PUM1: variants seen among roughly 807,000 people sequenced by gnomAD.
PUM1 encodes the protein pumilio homolog 1.
Under a neutral mutation model 131.8 loss-of-function variants are expected in PUM1, and 13 were observed. The ratio of observed to expected loss-of-function variants is 0.10; its 90% CI spans 0.06 to 0.16. The LOEUF (loss-of-function observed/expected upper bound fraction) is 0.16. Among genes scored for constraint, PUM1 ranks in the 10% least tolerant of loss-of-function variants. The pLI, the probability that PUM1 is intolerant of heterozygous loss-of-function variation, is 1.00. For missense variants in PUM1, 961 were observed against 1,512.4 expected (o/e 0.64, Z 6.05); for synonymous variants, 509 against 556.5 (o/e 0.91, Z 1.20).
chr1:31,015,640 C>T (rs777110696), intron 3 of PUM1, among the ~76,000 whole-genome samples: 32 of 150,782 alleles, frequency 2.1e-4, no homozygotes, highest in Non-Finnish European at 4.6e-4. Flanking sequence ...CACGCCCAGC[C>T]ACTTCAATGT....
At chr1:31,058,878 G>C (rs563844081) in intron 2 of PUM1, among the ~76,000 whole-genome samples, 1 of 152,160 alleles carries the variant, frequency 6.6e-6, no homozygotes, top group Admixed American at 6.5e-5. Flanking sequence ...GCTGAGGCAG[G>C]AGAACTGCTT....
intron 9 of PUM1, among the ~76,000 whole-genome samples, chr1:30,976,301 C>A (rs1387550203): frequency 6.6e-6 from 1 of 152,128 alleles, no homozygotes; most frequent in East Asian, 1.9e-4. Context: ...CATTTGCTAA[C>A]CAGGAAATGG....
At chr1:31,023,265 T>C (rs1272749787) in intron 3 of PUM1, among the ~76,000 whole-genome samples, 2 of 152,178 alleles carry the variant, frequency 1.3e-5, no homozygotes, top group Admixed American at 6.5e-5. Flanking sequence ...CAAGGCATTA[T>C]TAATTTTTCA....
intron 10 of PUM1, among the ~76,000 whole-genome samples, chr1:30,969,015 T>C (rs1392010645): frequency 6.7e-6 from 1 of 149,862 alleles, no homozygotes; most frequent in Non-Finnish European, 1.5e-5. Context: ...AAAAAAAGAG[T>C]GTAACAGGCC....
chr1:30,956,923 T>C (rs1640188583), intron 14 of PUM1, among the ~76,000 whole-genome samples: 1 of 150,932 alleles, frequency 6.6e-6, no homozygotes, highest in South Asian at 2.1e-4. Flanking sequence ...TTGTTGGATG[T>C]TCTGTTATTA....
chr1:31,043,282 A>C (rs1269519013), intron 2 of PUM1, among the ~76,000 whole-genome samples: 1 of 151,968 alleles, frequency 6.6e-6, no homozygotes, highest in African/African-American at 2.4e-5. Flanking sequence ...AGCTCACCAC[A>C]ACATCCGCCT....
chr1:30,946,345 A>AT (rs1487987901), intron 17 of PUM1, among the ~76,000 whole-genome samples: 1 of 151,634 alleles, frequency 6.6e-6, no homozygotes, highest in Non-Finnish European at 1.5e-5. Flanking sequence ...AATTAAAAAA[A>AT]AAAAAATCAT....
chr1:31,024,279 C>G (rs1383074354), intron 3 of PUM1, among the ~76,000 whole-genome samples: 10 of 152,210 alleles, frequency 6.6e-5, no homozygotes, highest in Non-Finnish European at 1.3e-4. Context: ...TTTGGATTAA[C>G]AGCTCACCCA....
chr1:31,048,780 G>T (rs1171844446), intron 2 of PUM1, among the ~76,000 whole-genome samples: 1 of 151,608 alleles, frequency 6.6e-6, no homozygotes. Context: ...GGCCCATCAG[G>T]GTAAATTCTA....
At chr1:30,936,964 T>C (rs770800330) in intron 20 of PUM1, 129 bp from the exon 21 acceptor site, 46 of 759,158 alleles carry the variant, frequency 6.1e-5, no homozygotes, top group Non-Finnish European at 9.2e-5. Context: ...TTGAGGAAGA[T>C]GAGTCGCCAA....
At chr1:31,039,593 A>T (rs189246500) in intron 2 of PUM1, among the ~76,000 whole-genome samples, 9 of 152,322 alleles carry the variant, frequency 5.9e-5, no homozygotes, top group Admixed American at 3.3e-4. Flanking sequence ...CGTAGGCTAT[A>T]GATGGGTGTA....
chr1:31,030,271 T>C (rs1378393144), intron 2 of PUM1, among the ~76,000 whole-genome samples: 1 of 152,114 alleles, frequency 6.6e-6, no homozygotes, highest in Non-Finnish European at 1.5e-5. Flanking sequence ...AAAAACAATG[T>C]TGACTACCTG....
intron 5 of PUM1, among the ~76,000 whole-genome samples, chr1:31,001,505 G>A (rs1182906638): frequency 3.3e-5 from 5 of 152,156 alleles, no homozygotes; most frequent in Admixed American, 3.3e-4. Flanking sequence ...GTATGGCACA[G>A]TTGAAAGCAA....
At chr1:31,059,139 A>G in intron 2 of PUM1, 65 bp downstream of exon 2, 2 of 1,494,138 alleles carry the variant, frequency 1.3e-6, no homozygotes, top group African/African-American at 2.8e-5. Flanking sequence ...CATTGAAAGC[A>G]GATATCCTAA....
At chr1:30,939,325 C>A (rs1396304331) in intron 20 of PUM1, among the ~76,000 whole-genome samples, 2 of 152,214 alleles carry the variant, frequency 1.3e-5, no homozygotes, top group Non-Finnish European at 2.9e-5. Context: ...CAGTTCAATT[C>A]TTTCAGCCTT....
At chr1:30,984,881 C>A (rs1162758001) in intron 7 of PUM1, among the ~76,000 whole-genome samples, 1 of 151,698 alleles carries the variant, frequency 6.6e-6, no homozygotes, top group Non-Finnish European at 1.5e-5. Context: ...GGAGTAATGT[C>A]TAAATAAGGA....
chr1:30,986,917 T>C (rs924677768), intron 7 of PUM1, among the ~76,000 whole-genome samples: 3 of 152,202 alleles, frequency 2.0e-5, no homozygotes, highest in African/African-American at 4.8e-5. Flanking sequence ...GCCACACTTT[T>C]AACACATGCC....
chr1:30,969,427 T>C (rs370700710), intron 10 of PUM1, among the ~76,000 whole-genome samples: 5 of 151,504 alleles, frequency 3.3e-5, no homozygotes, highest in Middle Eastern at 3.4e-3. Context: ...CAACTGAGTC[T>C]CACATGCACA....
intron 2 of PUM1, among the ~76,000 whole-genome samples, chr1:31,053,248 C>T (rs1390942147): frequency 6.6e-6 from 1 of 151,604 alleles, no homozygotes; most frequent in Non-Finnish European, 1.5e-5. Context: ...GATCCACCTG[C>T]CTCAGCCTCC....
Sources: gnomAD v4.1 joint callset for allele counts (sites outside exome capture counted in the v4.1 genomes callset) on GRCh38, gnomAD v4.1.1 for gene constraint, MANE v1.5 for transcripts, NCBI Gene and HGNC (gene_info 2026-07-23, HGNC 2026-07-21) for gene names.